Variants in IFT140 observed in about 807,000 individuals in gnomAD.
The protein encoded by IFT140 is intraflagellar transport protein 140 homolog.
A neutral mutation model predicts 164.6 loss-of-function variants in IFT140; 133 were observed. That is an observed-to-expected ratio of 0.81 (90% CI 0.70 to 0.93). IFT140 has a LOEUF of 0.93. Ranked by LOEUF, IFT140 falls within the 40% of genes least tolerant of loss-of-function variation. IFT140 has a pLI of 0.00. For missense variants in IFT140, 2,045 were observed against 1,972.3 expected (o/e 1.04, Z -0.70); for synonymous variants, 860 against 817.3 (o/e 1.05, Z -0.89).
intron 5 of IFT140, 36 bp downstream of exon 5, chr16:1,592,431 C>A: frequency 6.2e-7 from 1 of 1,607,408 alleles, no homozygotes; most frequent in Non-Finnish European, 8.5e-7. Context: ...CCGATGTAAA[C>A]ACACACACAG....
At chr16:1,604,666 C>T (rs942874029) in intron 3 of IFT140, among the ~76,000 whole-genome samples, 3 of 152,062 alleles carry the variant, frequency 2.0e-5, no homozygotes, top group Admixed American at 1.3e-4. Flanking sequence ...CCTGTGAGGG[C>T]ACAGCTGCCA....
intron 19 of IFT140, among the ~76,000 whole-genome samples, chr16:1,529,665 T>A (rs1334035986): frequency 1.3e-5 from 2 of 152,246 alleles, no homozygotes; most frequent in Non-Finnish European, 2.9e-5. Context: ...ATCTTTACAA[T>A]GAAACTTCTT....
rs975961362 is a variant in IFT140 at position 1,526,611 on chromosome 16, C to T, written c.2577+8G>A. On this transcript the variant is annotated splice_region_variant and intron_variant, in intron 20 of 30. Transcript: ENST00000426508. ...CTTCCCACCCACCCCATGGCGGGCG[C>T]CCCTCACCAGCATGCCCAGCTGCGT... The T allele has an allele frequency of 1.1e-5, 17 of 1,534,248 alleles. No homozygotes were observed. The highest frequency in any genetic ancestry group is 1.4e-5 in the Non-Finnish European group (16 of 1,149,980).
intron 3 of IFT140, among the ~76,000 whole-genome samples, chr16:1,606,814 C>T (rs1395585678): frequency 2.0e-5 from 3 of 152,078 alleles, no homozygotes; most frequent in Non-Finnish European, 4.4e-5. Flanking sequence ...TTTGAAAATA[C>T]ACACACGCAC....
At chr16:1,562,469 T>C (rs1021330272) in intron 17 of IFT140, among the ~76,000 whole-genome samples, 3 of 152,214 alleles carry the variant, frequency 2.0e-5, no homozygotes, top group Non-Finnish European at 4.4e-5. Flanking sequence ...GGCTTTACTC[T>C]GATTTAAAAA....
chr16:1,580,858 G>C lies in IFT140; in HGVS notation c.1433-8C>G. The C allele has an allele frequency of 1.2e-6, 2 of 1,602,670 alleles. No homozygotes were observed. The highest frequency in any genetic ancestry group is 1.7e-4 in the Middle Eastern group (1 of 6,030). ...TCTCACACAAGAAGGTCCCTAAAAT[G>C]AAAGACGAACATCAGGATGGCGGCC... On this transcript the variant is annotated splice_polypyrimidine_tract_variant and splice_region_variant and intron_variant, in intron 12 of 30. Transcript: ENST00000426508.
intron 19 of IFT140, among the ~76,000 whole-genome samples, chr16:1,530,378 G>A (rs1596313252): frequency 6.6e-6 from 1 of 151,866 alleles, no homozygotes; most frequent in Non-Finnish European, 1.5e-5. Context: ...TGATCTGCTC[G>A]CCTCGGTCTC....
chr16:1,535,198 T>TGGGACGCTGGAAAGGAGACAGGGAGGCC (rs2030942008), intron 19 of IFT140, among the ~76,000 whole-genome samples: 2 of 152,046 alleles, frequency 1.3e-5, no homozygotes, highest in African/African-American at 4.8e-5. Flanking sequence ...GAGCTTCAGA[T>TGGGACGCTGGAAAGGAGACAGGGAGGCC]GGGACGCTGG....
chr16:1,573,935 C>A (rs2667686), intron 13 of IFT140, among the ~76,000 whole-genome samples: 2,414 of 152,226 alleles, frequency 0.016, 73 homozygotes, highest in African/African-American at 0.056. Flanking sequence ...AGGGATCAGG[C>A]CCCCAGAGAC....
Position 1,592,462 on chromosome 16 carries a change from C to A in IFT140, c.491+5G>T. The A allele has an allele frequency of 6.2e-7, 1 of 1,613,998 alleles. No homozygotes were observed. The highest frequency in any genetic ancestry group is 1.1e-5 in the South Asian group (1 of 91,054). On this transcript the variant is annotated splice_donor_5th_base_variant and intron_variant, in intron 5 of 30. Coordinates refer to ENST00000426508, the MANE Select transcript of IFT140 (RefSeq NM_014714.4). ...CACAGGTCACAGGGCAAGCCCCACA[C>A]TTACTCGCCAGGAGGGGGGAGCCGG...
At chr16:1,524,753 C>T (rs766045677) in intron 23 of IFT140, 31 bp downstream of exon 23, 22 of 1,589,068 alleles carry the variant, frequency 1.4e-5, no homozygotes, top group Admixed American at 5.1e-5. Flanking sequence ...GCCTCGTGTC[C>T]GCCTGGCCGG....
At chr16:1,601,161 G>A (rs1268126597) in intron 4 of IFT140, among the ~76,000 whole-genome samples, 1 of 151,974 alleles carries the variant, frequency 6.6e-6, no homozygotes, top group Non-Finnish European at 1.5e-5. Context: ...CTACTCAGAA[G>A]GCTAAGGAGA....
At chr16:1,544,466 T>C (rs2031969248) in intron 19 of IFT140, among the ~76,000 whole-genome samples, 1 of 151,014 alleles carries the variant, frequency 6.6e-6, no homozygotes, top group South Asian at 2.1e-4. Context: ...ATTATAGGCG[T>C]GAGCCACCGC....
chr16:1,551,912 G>A lies in IFT140; in HGVS notation c.2399+6023C>T, dbSNP rs1180290829. Among the ~76,000 whole-genome samples, 5 of 152,156 alleles carry A rather than the reference G, an allele frequency of 3.3e-5. No individual in the cohort carries two copies. The highest frequency in any genetic ancestry group is 7.2e-5 in the African/African-American group (3 of 41,424). On this transcript the variant is annotated intron_variant, in intron 19 of 30. Coordinates refer to ENST00000426508, the MANE Select transcript of IFT140 (RefSeq NM_014714.4). The surrounding 1 kb of genome is among the most constrained non-coding windows in gnomAD (Gnocchi z 4.0). ...CTGTGCACTCAGAAGCCTCCCGGGT[G>A]TGTCCCTGGTGATGTCCCCGGGGCC...
intron 21 of IFT140, 63 bp from the exon 22 acceptor site, chr16:1,525,389 G>C (rs2040657617): frequency 1.4e-5 from 18 of 1,292,856 alleles, no homozygotes; most frequent in Non-Finnish European, 2.0e-5. Flanking sequence ...GAACCGGGTG[G>C]GCTGAGGGGC....
chr16:1,583,255 G>T, intron 12 of IFT140, 59 bp downstream of exon 12: 1 of 1,426,578 alleles, frequency 7.0e-7, no homozygotes, highest in East Asian at 2.3e-5. Flanking sequence ...CTCTCATTAG[G>T]CAGGGAGGAA....
chr16:1,553,236 G>A lies in IFT140; in HGVS notation c.2399+4699C>T, dbSNP rs1190179473. On this transcript the variant is annotated intron_variant, in intron 19 of 30. Transcript: ENST00000426508. The surrounding 1 kb of genome is among the most constrained non-coding windows in gnomAD (Gnocchi z 4.4). ...TCTCTCTCTGTCTCCATCTGTCTCT[G>A]TGTCTGTCTCTGTCTCTCTGTATCT... is the stretch of plus-strand genomic sequence containing the variant. The A allele has an allele frequency of 7.2e-6, 7 of 976,604 alleles. No individual in the cohort carries two copies. Among genetic ancestry groups the A allele is most frequent in the Non-Finnish European group, 8.5e-6 (7 of 822,936 alleles). The allele number at this position is 976,604 out of a possible 1,614,324, so 60.5% of individuals were successfully genotyped here. A position where few individuals can be genotyped will look rare whatever the true frequency, so the allele number is the denominator to read the frequency against.
rs937633249 is a variant in IFT140 at position 1,533,898 on chromosome 16, C to T, written c.2400-7102G>A. 1 of 294,426 alleles carries T rather than the reference C, an allele frequency of 3.4e-6. No homozygotes were observed. The highest frequency in any genetic ancestry group is 6.4e-6 in the Non-Finnish European group (1 of 156,508). The allele number at this position is 294,426 out of a possible 1,614,324, so 18.2% of individuals were successfully genotyped here. A position where few individuals can be genotyped will look rare whatever the true frequency, so the allele number is the denominator to read the frequency against. ...GCGCGGGCTCGACTCCCACTGCTGC[C>T]GGCCTCCCGAGTGACTCTGTTTTCC... is the stretch of plus-strand genomic sequence containing the variant. On this transcript the variant is annotated intron_variant, in intron 19 of 30. Transcript: ENST00000426508. The surrounding 1 kb of genome is among the most constrained non-coding windows in gnomAD (Gnocchi z 4.7).
chr16:1,526,533 G>C (rs2040702580), intron 20 of IFT140, 86 bp downstream of exon 20: 1 of 1,321,554 alleles, frequency 7.6e-7, no homozygotes, highest in Non-Finnish European at 1.0e-6. Context: ...GCTCAGGCCG[G>C]TGGGCGTGCC....
Sources: allele counts gnomAD v4.1 joint callset (sites outside exome capture counted in the v4.1 genomes callset), GRCh38; gene constraint gnomAD v4.1.1; non-coding constraint Gnocchi (gnomAD v3.1); transcripts MANE v1.5; gene names NCBI Gene and HGNC (gene_info 2026-07-23, HGNC 2026-07-21).